SMYD3: variants seen among roughly 807,000 people sequenced by gnomAD.
The protein encoded by SMYD3 is histone-lysine N-methyltransferase SMYD3.
SMYD3 carries 36 observed loss-of-function variants against 57.7 expected under a neutral mutation model. That is an observed-to-expected ratio of 0.62 (90% CI 0.48 to 0.82). SMYD3 has a LOEUF of 0.82. Ranked by LOEUF, SMYD3 falls within the 40% of genes least tolerant of loss-of-function variation. SMYD3 has a pLI of 0.00. For synonymous variants in SMYD3, 211 were observed against 195.0 expected (o/e 1.08, Z -0.68); for missense variants, 515 against 538.8 (o/e 0.96, Z 0.44).
At chr1:246,245,279 G>A (rs921334235) in intron 5 of SMYD3, among the ~76,000 whole-genome samples, 1 of 151,930 alleles carries the variant, frequency 6.6e-6, no homozygotes, top group African/African-American at 2.4e-5. Context: ...CCTGTCTCTA[G>A]TAAAAACACA....
intron 5 of SMYD3, among the ~76,000 whole-genome samples, chr1:246,043,613 G>A (rs1467593699): frequency 2.0e-5 from 3 of 152,236 alleles, no homozygotes; most frequent in Non-Finnish European, 4.4e-5. Flanking sequence ...TTCTGGTGAA[G>A]AATCAGTGGT....
chr1:245,869,621 A>G (rs1430631990), intron 8 of SMYD3, among the ~76,000 whole-genome samples: 1 of 152,172 alleles, frequency 6.6e-6, no homozygotes, highest in African/African-American at 2.4e-5. Flanking sequence ...GGTAAGAACG[A>G]GTCTCATTTG....
intron 5 of SMYD3, among the ~76,000 whole-genome samples, chr1:246,071,262 G>C (rs951896177): frequency 1.3e-5 from 2 of 152,156 alleles, no homozygotes; most frequent in African/African-American, 4.8e-5. Context: ...AATTGTGGGA[G>C]TGGGGATGTG....
At chr1:246,097,533 G>A (rs964949231) in intron 5 of SMYD3, among the ~76,000 whole-genome samples, 5 of 152,130 alleles carry the variant, frequency 3.3e-5, no homozygotes, top group African/African-American at 1.2e-4. Flanking sequence ...AGCTGGAAAA[G>A]CAAAAGCTCT....
At chr1:245,906,441 A>G (rs2054568097) in intron 8 of SMYD3, among the ~76,000 whole-genome samples, 1 of 152,204 alleles carries the variant, frequency 6.6e-6, no homozygotes. Flanking sequence ...AACCACAATG[A>G]GGTATCATCT....
At chr1:246,185,618 C>T (rs1275592678) in intron 5 of SMYD3, among the ~76,000 whole-genome samples, 4 of 152,046 alleles carry the variant, frequency 2.6e-5, no homozygotes, top group African/African-American at 4.8e-5. Flanking sequence ...CCCGCCACCA[C>T]GCCCGGCTAA....
intron 5 of SMYD3, among the ~76,000 whole-genome samples, chr1:246,157,114 C>T (rs143069598): frequency 1.8e-3 from 271 of 152,322 alleles, no homozygotes; most frequent in African/African-American, 6.1e-3. Context: ...CAATGAGTAG[C>T]GAAGTCTGGG....
At chr1:246,470,791 C>G (rs2067951541) in intron 1 of SMYD3, among the ~76,000 whole-genome samples, 2 of 151,854 alleles carry the variant, frequency 1.3e-5, no homozygotes, top group South Asian at 4.2e-4. Context: ...GCAACATCGA[C>G]AAAATTGGAA....
At chr1:245,981,882 G>T (rs962876973) in intron 5 of SMYD3, among the ~76,000 whole-genome samples, 1 of 152,218 alleles carries the variant, frequency 6.6e-6, no homozygotes, top group Non-Finnish European at 1.5e-5. Flanking sequence ...TCCTCTCAAA[G>T]AACTGTTGCT....
intron 10 of SMYD3, among the ~76,000 whole-genome samples, chr1:245,842,326 T>C (rs2050443326): frequency 6.6e-6 from 1 of 152,246 alleles, no homozygotes; most frequent in Non-Finnish European, 1.5e-5. Flanking sequence ...GTGGACTTGG[T>C]GTACAGTGAA....
At chr1:246,444,867 G>A (rs1426152722) in intron 1 of SMYD3, among the ~76,000 whole-genome samples, 1 of 152,204 alleles carries the variant, frequency 6.6e-6, no homozygotes, top group Non-Finnish European at 1.5e-5. Flanking sequence ...ACAAGGCAAT[G>A]TGGTAAAAGC....
intron 5 of SMYD3, among the ~76,000 whole-genome samples, chr1:246,222,779 C>A (rs990697647): frequency 5.9e-5 from 9 of 152,118 alleles, no homozygotes; most frequent in Non-Finnish European, 4.4e-5. Context: ...CTTCAGTGGC[C>A]TCTCATTGTC....
chr1:246,458,613 ATTTTTTTT>A (rs74163446), intron 1 of SMYD3, among the ~76,000 whole-genome samples: 8 of 46,870 alleles, frequency 1.7e-4, no homozygotes, highest in Non-Finnish European at 1.1e-4. Context: ...CGCCTGGCTG[ATTTTTTTT>A]TTTTTTTTTT....
chr1:246,229,820 G>C, intron 5 of SMYD3, among the ~76,000 whole-genome samples: 1 of 152,140 alleles, frequency 6.6e-6, no homozygotes, highest in East Asian at 1.9e-4. Flanking sequence ...ATTTCAACAC[G>C]CATTTTGGAG....
chr1:245,827,407 T>G (rs1200452659), intron 10 of SMYD3, among the ~76,000 whole-genome samples: 4 of 152,206 alleles, frequency 2.6e-5, no homozygotes, highest in Non-Finnish European at 5.9e-5. Flanking sequence ...GAACTCACGA[T>G]GCCTGGCCCA....
chr1:246,235,098 C>A (rs77019393), intron 5 of SMYD3, among the ~76,000 whole-genome samples: 2,120 of 152,250 alleles, frequency 0.014, 47 homozygotes, highest in African/African-American at 0.048. Flanking sequence ...CTTTGAGCTA[C>A]TAACTTAGTA....
chr1:245,901,651 C>CAA (rs35213546), intron 8 of SMYD3, among the ~76,000 whole-genome samples: 1 of 152,104 alleles, frequency 6.6e-6, no homozygotes, highest in Non-Finnish European at 1.5e-5. Flanking sequence ...TCTCCTCCAC[C>CAA]AAAAAGAAGG....
intron 8 of SMYD3, among the ~76,000 whole-genome samples, chr1:245,871,674 C>T (rs1002601136): frequency 4.6e-5 from 7 of 152,196 alleles, no homozygotes; most frequent in Admixed American, 2.0e-4. Flanking sequence ...TCCCTGCTGC[C>T]GAGCTGTGTA....
intron 8 of SMYD3, among the ~76,000 whole-genome samples, chr1:245,914,551 A>G (rs1331439028): frequency 2.6e-5 from 4 of 152,172 alleles, no homozygotes; most frequent in African/African-American, 9.7e-5. Flanking sequence ...TCTCACTCAT[A>G]TGTGGGAATT....
Sources: gnomAD v4.1 joint callset for allele counts (sites outside exome capture counted in the v4.1 genomes callset) on GRCh38, gnomAD v4.1.1 for gene constraint, MANE v1.5 for transcripts, NCBI Gene and HGNC (gene_info 2026-07-23, HGNC 2026-07-21) for gene names.